PARD3B: variants seen among roughly 807,000 people sequenced by gnomAD.
PARD3B encodes the protein partitioning defective 3 homolog B.
Under a neutral mutation model 130.2 loss-of-function variants are expected in PARD3B, and 103 were observed. The ratio of observed to expected loss-of-function variants is 0.79; its 90% CI spans 0.67 to 0.93. PARD3B has a LOEUF of 0.93. Ranked by LOEUF, PARD3B falls within the 40% of genes least tolerant of loss-of-function variation. The pLI is 0.00. For synonymous variants in PARD3B, 583 were observed against 553.2 expected, an observed-to-expected ratio of 1.05 and a Z score of -0.76; for missense variants, 1,609 against 1,499.2, an observed-to-expected ratio of 1.07 and a Z score of -1.21.
intron 1 of PARD3B, among the ~76,000 whole-genome samples, chr2:204,629,376 C>T (rs772111600): frequency 3.9e-5 from 6 of 152,132 alleles, no homozygotes; most frequent in Non-Finnish European, 8.8e-5. Context: ...TGAACTTTCA[C>T]GTTTTCTGTC....
chr2:205,469,740 C>T (rs747344278), intron 20 of PARD3B, among the ~76,000 whole-genome samples: 6 of 152,194 alleles, frequency 3.9e-5, no homozygotes, highest in South Asian at 2.1e-4. Context: ...TCCCAGAGAA[C>T]GTTGCATTAG....
intron 15 of PARD3B, among the ~76,000 whole-genome samples, chr2:205,237,233 G>A (rs2039104417): frequency 1.3e-5 from 2 of 152,068 alleles, no homozygotes; most frequent in South Asian, 4.1e-4. Context: ...CCAAGTAGCT[G>A]GGATTACAGG....
intron 10 of PARD3B, among the ~76,000 whole-genome samples, chr2:205,147,058 T>C (rs972813671): frequency 6.6e-6 from 1 of 152,184 alleles, no homozygotes; most frequent in East Asian, 1.9e-4. Flanking sequence ...ATGTAAAATA[T>C]AATACTTAAG....
At chr2:205,261,122 A>G (rs908315343) in intron 16 of PARD3B, among the ~76,000 whole-genome samples, 2 of 152,098 alleles carry the variant, frequency 1.3e-5, no homozygotes, top group African/African-American at 4.8e-5. Flanking sequence ...ACCCATTTAA[A>G]TGTGCATTTT....
Position 204,799,759 on chromosome 2 carries a change from G to A in PARD3B, c.222+113477G>A, listed in dbSNP as rs957527218. Among the ~76,000 whole-genome samples the A allele has an allele frequency of 6.6e-6, 1 of 152,156 alleles. No individual in the cohort carries two copies. The highest frequency in any genetic ancestry group is 2.4e-5 in the African/African-American group (1 of 41,438). ...GGGACTTCTCCCAGATCTTATCCAAGACCACCAAGATGGTACCTGTACAAG... is the reference window on the plus strand; with the variant it reads ...GGGACTTCTCCCAGATCTTATCCAAAACCACCAAGATGGTACCTGTACAAG... On this transcript the variant is annotated intron_variant, in intron 2 of 22. Coordinates refer to ENST00000406610, the MANE Select transcript of PARD3B (RefSeq NM_001302769.2). This position sits in a 1 kb window ranked among gnomAD's most constrained non-coding sequence, Gnocchi z 4.1.
intron 16 of PARD3B, among the ~76,000 whole-genome samples, chr2:205,298,247 C>A (rs2105895097): frequency 6.6e-6 from 1 of 152,222 alleles, no homozygotes; most frequent in South Asian, 2.1e-4. Flanking sequence ...GTCAGACATC[C>A]CTAGGGGCTG....
At chr2:205,542,676 G>A (rs911433168) in intron 21 of PARD3B, among the ~76,000 whole-genome samples, 1 of 152,058 alleles carries the variant, frequency 6.6e-6, no homozygotes, top group African/African-American at 2.4e-5. Context: ...GTAGTTGTGT[G>A]CTCAGTAATT....
chr2:205,455,429 T>C (rs760103773), intron 20 of PARD3B, among the ~76,000 whole-genome samples: 3 of 152,118 alleles, frequency 2.0e-5, no homozygotes, highest in Non-Finnish European at 2.9e-5. Flanking sequence ...TAATATATGC[T>C]GATATGTGAG....
chr2:205,380,880 T>TTATAATATGTAAAGAATATA (rs2045369500), intron 18 of PARD3B, among the ~76,000 whole-genome samples: 4 of 12,820 alleles, frequency 3.1e-4, no homozygotes, highest in Non-Finnish European at 5.7e-4. Flanking sequence ...AAAGAATACA[T>TTATAATATGTAAAGAATATA]TATAATATAT....
At chr2:204,834,266 A>G (rs1004480142) in intron 2 of PARD3B, among the ~76,000 whole-genome samples, 3 of 152,306 alleles carry the variant, frequency 2.0e-5, no homozygotes, top group African/African-American at 2.4e-5. Flanking sequence ...AAATGTGTCA[A>G]TTTTGTTCCT....
chr2:205,036,405 A>G (rs1214274599), intron 3 of PARD3B, among the ~76,000 whole-genome samples: 1 of 147,720 alleles, frequency 6.8e-6, no homozygotes, highest in African/African-American at 2.5e-5. Context: ...ATATACGTAT[A>G]TAGCAGACTA....
intron 4 of PARD3B, among the ~76,000 whole-genome samples, chr2:205,079,198 T>C (rs181924539): frequency 6.6e-6 from 1 of 152,380 alleles, no homozygotes; most frequent in African/African-American, 2.4e-5. Flanking sequence ...TCTTACATGA[T>C]GTGTTTTAAA....
At chr2:204,580,950 A>T (rs1425464987) in intron 1 of PARD3B, among the ~76,000 whole-genome samples, 1 of 152,234 alleles carries the variant, frequency 6.6e-6, no homozygotes, top group Non-Finnish European at 1.5e-5. Flanking sequence ...CATTTCTATC[A>T]GCAGAATTTC....
At chr2:204,809,698 T>A (rs1001297889) in intron 2 of PARD3B, among the ~76,000 whole-genome samples, 2 of 152,200 alleles carry the variant, frequency 1.3e-5, no homozygotes, top group African/African-American at 4.8e-5. Context: ...TTGTTCTTTT[T>A]GCTTAGAATT....
intron 20 of PARD3B, among the ~76,000 whole-genome samples, chr2:205,452,765 G>A (rs562493074): frequency 3.9e-5 from 6 of 152,072 alleles, no homozygotes; most frequent in Non-Finnish European, 7.4e-5. Flanking sequence ...AGTGTCCAGG[G>A]GTGACAGATG....
intron 19 of PARD3B, among the ~76,000 whole-genome samples, chr2:205,433,234 T>C (rs1317401157): frequency 6.6e-6 from 1 of 152,190 alleles, no homozygotes; most frequent in Non-Finnish European, 1.5e-5. Flanking sequence ...TGTGTTTTCT[T>C]TTTAAATTGA....
chr2:204,722,078 G>T (rs539738230), intron 2 of PARD3B, among the ~76,000 whole-genome samples: 1 of 152,212 alleles, frequency 6.6e-6, no homozygotes, highest in South Asian at 2.1e-4. Flanking sequence ...CTATGACAAG[G>T]TGTCTATAGA....
rs1253080356 is a variant in PARD3B at position 205,562,760 on chromosome 2, A to AT, written c.3260+9359dup. Among the ~76,000 whole-genome samples, 2 of 152,062 alleles carry AT rather than the reference A, an allele frequency of 1.3e-5. No homozygotes were observed. Among genetic ancestry groups the AT allele is most frequent in the Non-Finnish European group, 1.5e-5 (1 of 68,008 alleles). Reference sequence around the variant, plus strand: ...TTCCACCATCTGCCTCCTAATGCTCATTGCCCTGGAATTATGGTGGTGATT... The same window carrying AT: ...TTCCACCATCTGCCTCCTAATGCTCATTTGCCCTGGAATTATGGTGGTGATT... On this transcript the variant is annotated intron_variant, in intron 22 of 22. Transcript: ENST00000406610. This position sits in a 1 kb window ranked among gnomAD's most constrained non-coding sequence, Gnocchi z 5.4.
chr2:204,756,045 C>T (rs979172332), intron 2 of PARD3B, among the ~76,000 whole-genome samples: 24 of 152,000 alleles, frequency 1.6e-4, no homozygotes, highest in Admixed American at 3.9e-4. Context: ...CAATAGTATA[C>T]GTCCTGGTGG....
Sources: allele counts gnomAD v4.1 joint callset (sites outside exome capture counted in the v4.1 genomes callset), GRCh38; gene constraint gnomAD v4.1.1; non-coding constraint Gnocchi (gnomAD v3.1); transcripts MANE v1.5; gene names NCBI Gene and HGNC (gene_info 2026-07-23, HGNC 2026-07-21).